Variants in GSTT4 observed in about 807,000 individuals in gnomAD.
GSTT4 encodes glutathione S-transferase theta-4.
chr22:23,991,642 C>T, the GSTT4 span, among the ~76,000 whole-genome samples: 5 of 120,622 alleles, frequency 4.1e-5, no homozygotes, highest in East Asian at 4.4e-4. Context: ...GCCCCGAGTC[C>T]GGCCACGCCC....
chr22:23,995,673 A>G (rs561181836), downstream of GSTT4, among the ~76,000 whole-genome samples: 9 of 152,264 alleles, frequency 5.9e-5, no homozygotes, highest in Admixed American at 3.3e-4. Context: ...TGAACACAAG[A>G]TGGGTGCTTG....
chr22:24,001,683 T>C (rs1419029747), intron 2 of GSTT4, among the ~76,000 whole-genome samples: 1 of 152,220 alleles, frequency 6.6e-6, no homozygotes, highest in Non-Finnish European at 1.5e-5. Context: ...AAGATCAAGA[T>C]CCTTTTTCAA....
chr22:23,996,435 A>C (rs2034115946), downstream of GSTT4, among the ~76,000 whole-genome samples: 2 of 152,136 alleles, frequency 1.3e-5, no homozygotes, highest in Admixed American at 1.3e-4. Context: ...CTTAGGGGGG[A>C]AACGCTTGAT....
At chr22:23,989,194 A>T in the GSTT4 span, 1 of 185,868 alleles carries the variant, frequency 5.4e-6, no homozygotes, top group African/African-American at 2.4e-5. Flanking sequence ...CACCTGGGCA[A>T]AGGCATCGCT....
downstream of GSTT4, among the ~76,000 whole-genome samples, chr22:23,993,706 A>G (rs1298998631): frequency 1.3e-5 from 2 of 149,708 alleles, no homozygotes; most frequent in African/African-American, 2.5e-5. Flanking sequence ...CTGATTCTCT[A>G]GAAACTGATG....
chr22:23,993,591 T>C (rs1412442732), downstream of GSTT4, among the ~76,000 whole-genome samples: 1 of 152,224 alleles, frequency 6.6e-6, no homozygotes, highest in East Asian at 1.9e-4. Flanking sequence ...CTGCAAGGTA[T>C]GTTTTTTTCT....
At chr22:23,998,208 C>T (rs575748210), downstream of GSTT4, among the ~76,000 whole-genome samples, 173 of 152,244 alleles carry the variant, frequency 1.1e-3, 1 homozygote, top group African/African-American at 4.1e-3. Context: ...TCCCTATTTC[C>T]TTGATGGTCT....
At chr22:23,990,891 T>C in the GSTT4 span, among the ~76,000 whole-genome samples, 73 of 68,966 alleles carry the variant, frequency 1.1e-3, no homozygotes, top group Admixed American at 2.3e-3. Context: ...AGACAACCAG[T>C]GGGGCATGGC....
At chr22:23,995,387 C>T (rs979226140), downstream of GSTT4, among the ~76,000 whole-genome samples, 1 of 152,166 alleles carries the variant, frequency 6.6e-6, no homozygotes, top group Non-Finnish European at 1.5e-5. Context: ...TCCTTGTATG[C>T]ACTTGCACCC....
Position 24,002,699 on chromosome 22 carries a change from C to T in GSTT4, c.200+1061G>A, listed in dbSNP as rs145886739. On this transcript the variant is annotated intron_variant, in intron 2 of 4. Transcript: ENST00000621179. ...CAAAAAAATTAGCCAGGCATGGTGG[C>T]GGGCACCTGTAGTCCCAGCTACTCA... Among the ~76,000 whole-genome samples the T allele has an allele frequency of 3.0e-3, 461 of 152,004 alleles. 1 individual carries two copies. Among genetic ancestry groups the T allele is most frequent in the African/African-American group, 9.5e-3 (393 of 41,500 alleles).
intron 2 of GSTT4, among the ~76,000 whole-genome samples, 153 bp from the exon 3 acceptor site, chr22:24,001,478 C>CT (rs1349267034): frequency 1.3e-5 from 2 of 152,266 alleles, no homozygotes; most frequent in African/African-American, 4.8e-5. Context: ...AGCTGTCTGT[C>CT]TGACAGTCAG....
chr22:24,001,505 G>A (rs1310565151), intron 2 of GSTT4, among the ~76,000 whole-genome samples, 180 bp from the exon 3 acceptor site: 9 of 152,286 alleles, frequency 5.9e-5, no homozygotes, highest in African/African-American at 2.2e-4. Flanking sequence ...CTGGGAAGGA[G>A]CCCTGCGGGG....
At chr22:23,997,119 ATAGT>A (rs2034123939), downstream of GSTT4, among the ~76,000 whole-genome samples, 1 of 152,130 alleles carries the variant, frequency 6.6e-6, no homozygotes, top group Non-Finnish European at 1.5e-5. Flanking sequence ...TTGTCCACAT[ATAGT>A]TATTCATAGT....
the GSTT4 span, among the ~76,000 whole-genome samples, chr22:23,992,747 C>A: frequency 1.3e-4 from 20 of 150,368 alleles, 1 homozygote; most frequent in Middle Eastern, 0.017. Flanking sequence ...CCAGCGCCTA[C>A]CCCAGGGCCA....
At chr22:24,002,385 G>C (rs1218485307) in intron 2 of GSTT4, among the ~76,000 whole-genome samples, 1 of 152,272 alleles carries the variant, frequency 6.6e-6, no homozygotes, top group Non-Finnish European at 1.5e-5. Context: ...GATGTCCTAG[G>C]CCTTGCTGAT....
chr22:23,992,052 CA>C, the GSTT4 span, among the ~76,000 whole-genome samples: 11,243 of 71,016 alleles, frequency 0.16, 587 homozygotes, highest in East Asian at 0.35. Context: ...TACTCCGTCT[CA>C]AAAAAAAAAA....
chr22:23,992,689 G>A, the GSTT4 span, among the ~76,000 whole-genome samples: 1 of 151,898 alleles, frequency 6.6e-6, no homozygotes, highest in Non-Finnish European at 1.5e-5. Flanking sequence ...ACAGGGCACT[G>A]TCTGCTCTGG....
chr22:23,999,262 T>C (rs1444038206), intron 4 of GSTT4, among the ~76,000 whole-genome samples: 1 of 151,888 alleles, frequency 6.6e-6, no homozygotes, highest in African/African-American at 2.4e-5. Flanking sequence ...GTGGGTGAAA[T>C]GTAAGGGGTG....
At chr22:24,001,704 G>C (rs879177597) in intron 2 of GSTT4, among the ~76,000 whole-genome samples, 24,694 of 151,446 alleles carry the variant, frequency 0.16, 2,101 homozygotes, top group African/African-American at 0.19. Flanking sequence ...AAACAAAAAC[G>C]GGGGGGCACG....
Sources: gnomAD v4.1 joint callset for allele counts (sites outside exome capture counted in the v4.1 genomes callset) on GRCh38, gnomAD v4.1.1 for gene constraint, MANE v1.5 for transcripts, NCBI Gene and HGNC (gene_info 2026-07-23, HGNC 2026-07-21) for gene names.